Variants in CDH4 observed in about 807,000 individuals in gnomAD.
CDH4 encodes cadherin 4, also known as cadherin-4.
In CDH4, 33 loss-of-function variants were observed where a neutral mutation model predicts 86.0. That is an observed-to-expected ratio of 0.38 (90% confidence interval 0.29 to 0.51). The LOEUF (loss-of-function observed/expected upper bound fraction) is 0.51, where lower values mean the gene tolerates loss of function less well. CDH4 is among the 20% of genes least tolerant of loss of function. CDH4 has a pLI of 0.86. For synonymous variants in CDH4, 555 were observed against 549.4 expected, an observed-to-expected ratio of 1.01 and a Z score of -0.14; for missense variants, 1,114 against 1,307.4, an observed-to-expected ratio of 0.85 and a Z score of 2.28.
At chr20:61,456,166 G>T (rs955066543) in intron 2 of CDH4, among the ~76,000 whole-genome samples, 4 of 152,126 alleles carry the variant, frequency 2.6e-5, no homozygotes, top group African/African-American at 9.7e-5. Flanking sequence ...AGGACTGATG[G>T]CTCTTAAATA....
At chr20:61,716,600 C>A (rs1021840312) in intron 2 of CDH4, among the ~76,000 whole-genome samples, 1 of 152,174 alleles carries the variant, frequency 6.6e-6, no homozygotes, top group Admixed American at 6.5e-5. Flanking sequence ...TCACCAAAGC[C>A]CTTCGCTTCA....
chr20:61,726,363 C>G (rs1456466848), intron 2 of CDH4, among the ~76,000 whole-genome samples: 1 of 152,108 alleles, frequency 6.6e-6, no homozygotes, highest in African/African-American at 2.4e-5. Flanking sequence ...TGGGAACCCC[C>G]TCCTCAACTG....
At chr20:61,771,236 CTG>C (rs2088772899) in intron 3 of CDH4, among the ~76,000 whole-genome samples, 1 of 151,658 alleles carries the variant, frequency 6.6e-6, no homozygotes, top group Admixed American at 6.5e-5. Context: ...TCTCGAACTC[CTG>C]ACCTCAGGTG....
intron 3 of CDH4, among the ~76,000 whole-genome samples, chr20:61,771,073 C>A (rs1470697655): frequency 2.0e-5 from 3 of 146,542 alleles, no homozygotes; most frequent in African/African-American, 7.5e-5. Flanking sequence ...TGCAATGGCA[C>A]AATCTTGGCT....
intron 2 of CDH4, among the ~76,000 whole-genome samples, chr20:61,394,589 C>G (rs867678024): frequency 6.6e-6 from 1 of 151,638 alleles, no homozygotes; most frequent in African/African-American, 2.4e-5. Flanking sequence ...AGCACCAGGG[C>G]GGGGTGAGGA....
chr20:61,711,281 T>C (rs151082034), intron 2 of CDH4, among the ~76,000 whole-genome samples: 1,587 of 152,322 alleles, frequency 0.01, 34 homozygotes, highest in African/African-American at 0.036. Flanking sequence ...TTGTAAGTTT[T>C]CTGAGGCCTC....
At position 61,928,342 on chromosome 20, in the gene CDH4, C is replaced by G; in HGVS notation, c.1924C>G (p.Pro642Ala). ...NITAADADVDPNIGPYVFELP... is the reference protein window; with the variant it reads ...NITAADADVDANIGPYVFELP... Reference sequence around the variant, plus strand: ...CACGGCGGCCGACGCTGACGTCGACCCCAACATCGGCCCCTACGTCTTCGA... The same window carrying G: ...CACGGCGGCCGACGCTGACGTCGACGCCAACATCGGCCCCTACGTCTTCGA... The change falls in exon 12 of 16, where the codon CCC (proline) becomes GCC (alanine). Residue 642 changes from proline (P) to alanine (A), a missense_variant. Physicochemically the swap from Pro to Ala is conservative, Grantham distance 27. Transcript: ENST00000614565. The G allele has an allele frequency of 6.2e-7, 1 of 1,611,442 alleles. No homozygotes were observed. Among genetic ancestry groups the G allele is most frequent in the Non-Finnish European group, 8.5e-7 (1 of 1,180,020 alleles).
At chr20:61,431,359 GTTT>G (rs34959436) in intron 2 of CDH4, among the ~76,000 whole-genome samples, 3 of 129,956 alleles carry the variant, frequency 2.3e-5, no homozygotes, top group African/African-American at 2.9e-5. Flanking sequence ...TTTTTTGTTG[GTTT>G]TTTTTTTTTT....
At chr20:61,714,021 T>TTATTTTATTTTATTTTATTTTATTTTA (rs2087922330) in intron 2 of CDH4, among the ~76,000 whole-genome samples, 1 of 135,894 alleles carries the variant, frequency 7.4e-6, no homozygotes, top group African/African-American at 3.0e-5. Context: ...GTCTATTCTT[T>TTATTTTATTTTATTTTATTTTATTTTA]TTTTATTTTA....
At chr20:61,884,514 G>A (rs1984445183) in intron 7 of CDH4, among the ~76,000 whole-genome samples, 1 of 152,022 alleles carries the variant, frequency 6.6e-6, no homozygotes, top group South Asian at 2.1e-4. Context: ...GCACCCCTTG[G>A]GGCTCCCCGT....
chr20:61,660,127 C>T (rs2087237172), intron 2 of CDH4, among the ~76,000 whole-genome samples: 1 of 152,142 alleles, frequency 6.6e-6, no homozygotes, highest in Admixed American at 6.5e-5. Flanking sequence ...TGGCTGCGGC[C>T]GGCTGAGCCT....
chr20:61,888,492 T>C (rs1429384929), intron 7 of CDH4, among the ~76,000 whole-genome samples: 3 of 152,196 alleles, frequency 2.0e-5, no homozygotes, highest in African/African-American at 7.2e-5. Context: ...ACATTTTCTT[T>C]CTGTTGGGAT....
chr20:61,508,001 A>T (rs1254388356), intron 2 of CDH4, among the ~76,000 whole-genome samples: 2 of 152,260 alleles, frequency 1.3e-5, no homozygotes, highest in Non-Finnish European at 2.9e-5. Flanking sequence ...CGCTGTCAGG[A>T]TGGGGTTGTA....
rs1336548217 is a variant in CDH4, at chr20:61,480,952, C to T, written c.169+226015C>T. On this transcript the variant is annotated intron_variant, in intron 2 of 15. Coordinates refer to ENST00000614565, the MANE Select transcript of CDH4 (RefSeq NM_001794.5). This position sits in a 1 kb window ranked among gnomAD's most constrained non-coding sequence, Gnocchi z 5.2. ...GATGCTACTGTTTATAAAGTGTGTC[C>T]ACGTTGATGATTCTGCTTGGTAGTC... 6.6e-6 allele frequency among the ~76,000 whole-genome samples: 1 copy of T among 152,092 alleles called. No individual in the cohort carries two copies. Among genetic ancestry groups the T allele is most frequent in the Admixed American group, 6.5e-5 (1 of 15,276 alleles).
At chr20:61,320,471 G>T (rs552146233) in intron 2 of CDH4, among the ~76,000 whole-genome samples, 2 of 152,016 alleles carry the variant, frequency 1.3e-5, no homozygotes, top group African/African-American at 2.4e-5. Context: ...CACAGGGAGC[G>T]GTGACCTGGT....
At position 61,927,773 on chromosome 20, in the gene CDH4, G is replaced by A. The variant is rs547717293; in HGVS notation, c.1772-417G>A. On this transcript the variant is annotated intron_variant, in intron 11 of 15. Transcript: ENST00000614565. Reference sequence around the variant, plus strand: ...TCCCCGGTGCGTGGCTGTGACCTCCGTGGCTGTGAGTTTCCACGTGAATGC... The same window carrying A: ...TCCCCGGTGCGTGGCTGTGACCTCCATGGCTGTGAGTTTCCACGTGAATGC... 8.5e-5 allele frequency among the ~76,000 whole-genome samples: 13 copies of A among 152,362 alleles called. No individual in the cohort carries two copies. In the East Asian group the frequency reaches 1.7e-3, roughly 20 times the overall value.
rs757759254 is a variant in CDH4 at position 61,852,894 on chromosome 20, G to A, written c.873G>A (p.Lys291=). ...ACGGCTCCGTGGACGAGGGCTCCAA[G>A]CCAGGTGAGGCCTTTAGCGTTTGCT... The part of the protein sequence containing the change: ...VYNGSVDEGS[K]PGTYVMTVTA... Residue 291 remains lysine (K), a synonymous_variant, in exon 6 of 16, where the codon AAG becomes AAA. Transcript: ENST00000614565. 1.9e-6 allele frequency: 3 copies of A among 1,613,826 alleles called. No homozygotes were observed. Among genetic ancestry groups the A allele is most frequent in the Non-Finnish European group, 2.5e-6 (3 of 1,179,882 alleles).
chr20:61,288,515 C>G (rs1055310089), intron 2 of CDH4, among the ~76,000 whole-genome samples: 1 of 152,206 alleles, frequency 6.6e-6, no homozygotes, highest in African/African-American at 2.4e-5. Flanking sequence ...CCAAGAGCCC[C>G]TGAGCATGGG....
chr20:61,332,254 G>A (rs1402535255), intron 2 of CDH4, among the ~76,000 whole-genome samples: 2 of 152,214 alleles, frequency 1.3e-5, no homozygotes, highest in African/African-American at 4.8e-5. Context: ...GGTGGGCGGA[G>A]CGGTGACGGG....
Sources: gnomAD v4.1 joint callset for allele counts (sites outside exome capture counted in the v4.1 genomes callset) on GRCh38, gnomAD v4.1.1 for gene constraint, Gnocchi (gnomAD v3.1) non-coding constraint, MANE v1.5 for transcripts, NCBI Gene and HGNC (gene_info 2026-07-23, HGNC 2026-07-21) for gene names.